The following NKAIN2 variants were observed in gnomAD, a reference collection of about 807,000 sequenced individuals.
The protein encoded by NKAIN2 is sodium/potassium transporting ATPase interacting 2, also known as sodium/potassium-transporting ATPase subunit beta-1-interacting protein 2.
In NKAIN2, 14 loss-of-function variants were observed where a neutral mutation model predicts 32.6. That is an observed-to-expected ratio of 0.43 (90% CI 0.28 to 0.67). The LOEUF is 0.67. Ranked by LOEUF, NKAIN2 falls within the 30% of genes least tolerant of loss-of-function variation. The pLI, the probability that NKAIN2 is intolerant of heterozygous loss-of-function variation, is 0.17. For missense variants in NKAIN2, 198 were observed against 258.3 expected, an observed-to-expected ratio of 0.77 and a Z score of 1.60; for synonymous variants, 80 against 87.2, an observed-to-expected ratio of 0.92 and a Z score of 0.46.
intron 1 of NKAIN2, among the ~76,000 whole-genome samples, chr6:124,028,874 T>C (rs1382119077): frequency 9.5e-5 from 4 of 42,046 alleles, no homozygotes; most frequent in Non-Finnish European, 1.9e-4. Context: ...TACACATATA[T>C]GTATATATAT....
At chr6:124,806,354 A>G (rs1780562711) in intron 5 of NKAIN2, among the ~76,000 whole-genome samples, 1 of 152,180 alleles carries the variant, frequency 6.6e-6, no homozygotes, top group Admixed American at 6.5e-5. Flanking sequence ...TAAAGAAAAG[A>G]TTTTTCAACC....
At position 124,118,677 on chromosome 6, in the gene NKAIN2, A is replaced by G. The variant is rs181263394; in HGVS notation, c.55-164328A>G. Among the ~76,000 whole-genome samples, 197 of 152,266 alleles carry G rather than the reference A, an allele frequency of 1.3e-3. 1 individual carries two copies. The highest frequency in any genetic ancestry group is 1.3e-3 in the Non-Finnish European group (86 of 68,018). On this transcript the variant is annotated intron_variant, in intron 1 of 6. Transcript: ENST00000368417. ...AAACTCAGTAAAAAGCACGTTTATA[A>G]AACAGTGATCATCTGAAAACAGCAA...
At chr6:124,675,974 T>C (rs1295172958) in intron 4 of NKAIN2, among the ~76,000 whole-genome samples, 1 of 152,180 alleles carries the variant, frequency 6.6e-6, no homozygotes, top group Non-Finnish European at 1.5e-5. Flanking sequence ...CACTGTAAAC[T>C]GCTTTCTTCA....
intron 4 of NKAIN2, among the ~76,000 whole-genome samples, chr6:124,782,909 T>C (rs1209415110): frequency 6.6e-6 from 1 of 152,154 alleles, no homozygotes; most frequent in Non-Finnish European, 1.5e-5. Flanking sequence ...GTATTATTGA[T>C]AGTTGCTTTT....
chr6:124,232,826 G>A (rs1792530212), intron 1 of NKAIN2, among the ~76,000 whole-genome samples: 1 of 152,130 alleles, frequency 6.6e-6, no homozygotes, highest in Admixed American at 6.6e-5. Flanking sequence ...CACAGTGCTT[G>A]TGTTAGTCTT....
intron 2 of NKAIN2, among the ~76,000 whole-genome samples, chr6:124,307,611 A>C (rs1796558285): frequency 6.6e-6 from 1 of 152,188 alleles, no homozygotes; most frequent in Non-Finnish European, 1.5e-5. Context: ...AAAGCTTTTA[A>C]TATACATAAA....
At chr6:124,358,453 T>A (rs1419130927) in intron 3 of NKAIN2, among the ~76,000 whole-genome samples, 1 of 152,154 alleles carries the variant, frequency 6.6e-6, no homozygotes, top group Non-Finnish European at 1.5e-5. Flanking sequence ...TCCTGACTTT[T>A]TAATGATCAC....
chr6:123,861,347 A>G (rs1483993975), intron 1 of NKAIN2, among the ~76,000 whole-genome samples: 1 of 152,196 alleles, frequency 6.6e-6, no homozygotes, highest in Non-Finnish European at 1.5e-5. Flanking sequence ...CTAATATTAT[A>G]TTGTCTGTGT....
chr6:123,943,977 T>G (rs1776947823), intron 1 of NKAIN2, among the ~76,000 whole-genome samples: 1 of 152,060 alleles, frequency 6.6e-6, no homozygotes, highest in Admixed American at 6.6e-5. Context: ...TATCCTTGAG[T>G]GAAATTTTAG....
At chr6:124,278,322 A>G (rs2753146) in intron 1 of NKAIN2, among the ~76,000 whole-genome samples, 11,355 of 151,996 alleles carry the variant, frequency 0.075, 1,066 homozygotes, top group African/African-American at 0.22. Flanking sequence ...AATTGGGCCC[A>G]GTTTTCTCAT....
intron 1 of NKAIN2, among the ~76,000 whole-genome samples, chr6:123,824,078 G>T (rs981609678): frequency 2.6e-5 from 4 of 152,232 alleles, no homozygotes; most frequent in Admixed American, 6.5e-5. Flanking sequence ...GAATTTATCT[G>T]CATGTAACTG....
intron 2 of NKAIN2, among the ~76,000 whole-genome samples, chr6:124,344,506 A>C (rs907736741): frequency 7.9e-5 from 12 of 151,296 alleles, no homozygotes; most frequent in Admixed American, 1.3e-4. Context: ...CTTTTATTTC[A>C]TTGAGCAGTG....
intron 3 of NKAIN2, among the ~76,000 whole-genome samples, chr6:124,415,878 C>CT: frequency 0.075 from 5,473 of 72,542 alleles, 547 homozygotes; most frequent in African/African-American, 0.14. Context: ...TTTTTATTTG[C>CT]TTTTTTTTTT....
At chr6:124,810,007 G>T (rs1217820830) in intron 5 of NKAIN2, among the ~76,000 whole-genome samples, 1 of 152,206 alleles carries the variant, frequency 6.6e-6, no homozygotes. Context: ...AGGATGTGGA[G>T]AAATAGGAAC....
intron 1 of NKAIN2, among the ~76,000 whole-genome samples, chr6:124,177,740 A>G (rs1052480360): frequency 3.3e-5 from 5 of 151,878 alleles, no homozygotes; most frequent in African/African-American, 1.2e-4. Flanking sequence ...TAAAGCCTTT[A>G]TAAAAGAGGC....
chr6:124,634,007 G>T (rs577903152), intron 3 of NKAIN2, among the ~76,000 whole-genome samples: 52 of 151,994 alleles, frequency 3.4e-4, no homozygotes, highest in Non-Finnish European at 6.6e-4. Context: ...TACAGCCAAA[G>T]AAATCATAAG....
At chr6:124,321,288 A>C (rs1354108164) in intron 2 of NKAIN2, among the ~76,000 whole-genome samples, 1 of 152,060 alleles carries the variant, frequency 6.6e-6, no homozygotes, top group Non-Finnish European at 1.5e-5. Context: ...GATAAATAGC[A>C]GTGCTTAAGC....
At chr6:124,603,699 T>C (rs1782392241) in intron 3 of NKAIN2, among the ~76,000 whole-genome samples, 1 of 151,924 alleles carries the variant, frequency 6.6e-6, no homozygotes. Flanking sequence ...CCATATAATT[T>C]ATTACCCAAA....
intron 2 of NKAIN2, among the ~76,000 whole-genome samples, chr6:124,313,556 A>G (rs1396449178): frequency 6.6e-6 from 1 of 152,014 alleles, no homozygotes; most frequent in Non-Finnish European, 1.5e-5. Flanking sequence ...TGCTTTCACT[A>G]CACTTCTGCC....
Sources: allele counts gnomAD v4.1 joint callset (sites outside exome capture counted in the v4.1 genomes callset), GRCh38; gene constraint gnomAD v4.1.1; transcripts MANE v1.5; gene names NCBI Gene and HGNC (gene_info 2026-07-23, HGNC 2026-07-21).